DNAH7: variants seen among roughly 807,000 people sequenced by gnomAD.
DNAH7 encodes axonemal beta dynein heavy chain 7.
A neutral mutation model predicts 444.6 loss-of-function variants in DNAH7; 397 were observed. That is an observed-to-expected ratio of 0.89 (90% CI 0.82 to 0.97). The LOEUF is 0.97. Among genes scored for constraint, DNAH7 ranks in the 50% least tolerant of loss-of-function variants. The pLI, the probability that DNAH7 is intolerant of heterozygous loss-of-function variation, is 0.00. For synonymous variants in DNAH7, 1,636 were observed against 1,624.4 expected (o/e 1.01, Z -0.17); for missense variants, 4,902 against 4,800.8 (o/e 1.02, Z -0.62).
At chr2:195,814,786 G>T (rs948971104) in intron 51 of DNAH7, among the ~76,000 whole-genome samples, 1 of 151,972 alleles carries the variant, frequency 6.6e-6, no homozygotes, top group Non-Finnish European at 1.5e-5. Context: ...CACTGCCCAG[G>T]CTGAAGTGTG....
intron 18 of DNAH7, among the ~76,000 whole-genome samples, chr2:195,957,648 T>TA (rs1285056645): frequency 1.5e-5 from 2 of 129,758 alleles, no homozygotes; most frequent in African/African-American, 3.6e-5. Context: ...ACAATTGTTA[T>TA]ACATTATATA....
chr2:195,953,333 G>A (rs181500437), intron 19 of DNAH7, among the ~76,000 whole-genome samples: 26 of 152,196 alleles, frequency 1.7e-4, no homozygotes, highest in Non-Finnish European at 3.1e-4. Context: ...GCACCCGCCA[G>A]ATGCCAGCTG....
intron 19 of DNAH7, among the ~76,000 whole-genome samples, chr2:195,945,499 T>C (rs1016424191): frequency 1.3e-5 from 2 of 152,160 alleles, no homozygotes; most frequent in Non-Finnish European, 2.9e-5. Context: ...ATAGCTAAAA[T>C]GACAGAAAGC....
intron 19 of DNAH7, among the ~76,000 whole-genome samples, chr2:195,946,236 A>AT (rs140986016): frequency 0.082 from 12,466 of 152,050 alleles, 855 homozygotes; most frequent in African/African-American, 0.19. Context: ...CAGATGAAAA[A>AT]TTTTTTCCCA....
chr2:195,983,953 C>T lies in DNAH7; in HGVS notation c.1833+679G>A, dbSNP rs566578191. Among the ~76,000 whole-genome samples the T allele has an allele frequency of 6.4e-4, 98 of 152,280 alleles. 2 individuals are homozygous for T. Among genetic ancestry groups the T allele is most frequent in the African/African-American group, 2.3e-3 (95 of 41,556 alleles). Reference sequence around the variant, plus strand: ...AATTGTTGCGTGTTCTCAAAAATAACCTGATAGATAATTGCATTAATTGTT... The same window carrying T: ...AATTGTTGCGTGTTCTCAAAAATAATCTGATAGATAATTGCATTAATTGTT... On this transcript the variant is annotated intron_variant, in intron 15 of 64. Coordinates refer to ENST00000312428, the MANE Select transcript of DNAH7 (RefSeq NM_018897.3).
chr2:195,749,919 AC>A (rs1177803194), intron 63 of DNAH7, among the ~76,000 whole-genome samples: 6 of 152,026 alleles, frequency 3.9e-5, no homozygotes. Context: ...CCAGCATGGC[AC>A]ATGTATACAT....
chr2:195,925,383 A>G (rs1226498470), intron 22 of DNAH7, among the ~76,000 whole-genome samples: 1 of 152,170 alleles, frequency 6.6e-6, no homozygotes, highest in Non-Finnish European at 1.5e-5. Flanking sequence ...AAGTAGAAAG[A>G]CAAAATGAAT....
chr2:195,817,892 T>A (rs768776932), intron 49 of DNAH7, 63 bp from the exon 50 acceptor site: 1 of 1,319,314 alleles, frequency 7.6e-7, no homozygotes, highest in Non-Finnish European at 1.0e-6. Context: ...TCTGCTTTTA[T>A]GTGTCAAGTT....
At chr2:195,791,714 A>G (rs1257647763) in intron 57 of DNAH7, among the ~76,000 whole-genome samples, 3 of 152,230 alleles carry the variant, frequency 2.0e-5, no homozygotes, top group Non-Finnish European at 4.4e-5. Context: ...GTGGCATACT[A>G]TGCAGCCATA....
intron 10 of DNAH7, among the ~76,000 whole-genome samples, chr2:196,006,745 A>G (rs1293690805): frequency 6.6e-6 from 1 of 152,134 alleles, no homozygotes; most frequent in East Asian, 1.9e-4. Flanking sequence ...TTGTATTTCT[A>G]CACACTAGCA....
At chr2:195,877,865 T>C (rs1208735137) in intron 36 of DNAH7, among the ~76,000 whole-genome samples, 1 of 152,208 alleles carries the variant, frequency 6.6e-6, no homozygotes, top group African/African-American at 2.4e-5. Flanking sequence ...TTCTTTAAAA[T>C]CTTTGAAGAC....
chr2:195,799,390 G>T lies in DNAH7; in HGVS notation c.10259C>A (p.Ala3420Glu). ...IEPPPFDLAKAFGDSNCCAPL... is the reference protein window; with the variant it reads ...IEPPPFDLAKEFGDSNCCAPL... Reference sequence around the variant, plus strand: ...TGCACAGCAGTTACTGTCTCCAAATGCCTTGGCTAAATCAAAGGGGGGTGG... The same window carrying T: ...TGCACAGCAGTTACTGTCTCCAAATTCCTTGGCTAAATCAAAGGGGGGTGG... The change falls in exon 55 of 65, where the codon GCA becomes GAA. Residue 3420 changes from alanine (A) to glutamate (E), a missense_variant. Physicochemically the swap from Ala to Glu is moderately radical, Grantham distance 107 (BLOSUM62 -1). Transcript: ENST00000312428. 1 of 1,612,006 alleles carries T rather than the reference G, an allele frequency of 6.2e-7. No individual in the cohort carries two copies. The highest frequency in any genetic ancestry group is 8.5e-7 in the Non-Finnish European group (1 of 1,179,034).
intron 58 of DNAH7, among the ~76,000 whole-genome samples, chr2:195,781,590 G>C (rs1007363125): frequency 6.6e-6 from 1 of 152,152 alleles, no homozygotes; most frequent in Non-Finnish European, 1.5e-5. Context: ...CAGCAGGAGA[G>C]AGTAGGTGAA....
At chr2:196,019,382 T>A in intron 8 of DNAH7, 87 bp from the exon 9 acceptor site, 1 of 1,072,458 alleles carries the variant, frequency 9.3e-7, no homozygotes, top group Non-Finnish European at 1.2e-6. Context: ...TATTTAATTT[T>A]AATAAAATAT....
intron 32 of DNAH7, 61 bp downstream of exon 32, chr2:195,888,738 C>A: frequency 6.6e-7 from 1 of 1,512,806 alleles, no homozygotes. Flanking sequence ...AGGTACTAAG[C>A]AAATACATGC....
At chr2:195,988,278 T>C (rs1693060383) in intron 12 of DNAH7, 49 bp from the exon 13 acceptor site, 5 of 1,422,830 alleles carry the variant, frequency 3.5e-6, no homozygotes, top group Non-Finnish European at 4.7e-6. Flanking sequence ...TTAAAGTAAC[T>C]ATATCATTTA....
chr2:195,855,727 C>T, intron 45 of DNAH7, 84 bp downstream of exon 45: 1 of 1,444,702 alleles, frequency 6.9e-7, no homozygotes, highest in Non-Finnish European at 9.4e-7. Flanking sequence ...GGAAACAGGA[C>T]TGGTGTGTTA....
At chr2:196,033,681 C>T (rs752585304) in intron 5 of DNAH7, among the ~76,000 whole-genome samples, 12 of 151,916 alleles carry the variant, frequency 7.9e-5, no homozygotes, top group Non-Finnish European at 1.8e-4. Flanking sequence ...TTTTTTAATC[C>T]ATTCATCTGC....
intron 57 of DNAH7, among the ~76,000 whole-genome samples, chr2:195,790,157 C>A (rs1358691099): frequency 3.9e-5 from 6 of 152,042 alleles, no homozygotes; most frequent in African/African-American, 1.4e-4. Flanking sequence ...CCACAAAACA[C>A]CGCTGAAAGA....
Sources: gnomAD v4.1 joint callset for allele counts (sites outside exome capture counted in the v4.1 genomes callset) on GRCh38, gnomAD v4.1.1 for gene constraint, MANE v1.5 for transcripts, NCBI Gene and HGNC (gene_info 2026-07-23, HGNC 2026-07-21) for gene names.